R3HDM2: variants seen among roughly 807,000 people sequenced by gnomAD.
R3HDM2 encodes R3H domain containing 2.
Under a neutral mutation model 124.5 loss-of-function variants are expected in R3HDM2, and 38 were observed. The ratio of observed to expected loss-of-function variants is 0.31; its 90% CI spans 0.24 to 0.40. R3HDM2 has a LOEUF of 0.40. Among genes scored for constraint, R3HDM2 ranks in the 10% least tolerant of loss-of-function variants. R3HDM2 has a pLI of 1.00. For synonymous variants in R3HDM2, 391 were observed against 448.0 expected (o/e 0.87, Z 1.61); for missense variants, 869 against 1,236.9 (o/e 0.70, Z 4.46).
intron 2 of R3HDM2, among the ~76,000 whole-genome samples, chr12:57,360,006 A>AATATATATATAT (rs1366274892): frequency 1.2e-4 from 14 of 117,664 alleles, no homozygotes; most frequent in Admixed American, 1.9e-4. Context: ...TAAATAAATA[A>AATATATATATAT]ATATATATAT....
In R3HDM2 at chr12:57,407,761, G is replaced by GT. The variant is rs548688945; in HGVS notation, c.-105-11944dup. Among the ~76,000 whole-genome samples the GT allele has an allele frequency of 4.8e-3, 731 of 151,340 alleles. 2 individuals carry two copies. The highest frequency in any genetic ancestry group is 0.018 in the South Asian group (88 of 4,782). On this transcript the variant is annotated intron_variant, in intron 1 of 23. Coordinates refer to ENST00000402412, the MANE Select transcript of R3HDM2 (RefSeq NM_001394031.1). ...TTTTAAAGTCCTTATTTTTGTGCGT[G>GT]TTTTTTTGTTTTCTTTTGTAGAGAA...
chr12:57,294,173 C>T (rs546891439), intron 10 of R3HDM2, among the ~76,000 whole-genome samples: 1 of 152,288 alleles, frequency 6.6e-6, no homozygotes, highest in South Asian at 2.1e-4. Flanking sequence ...GGAAAACACT[C>T]AATAAGATAG....
chr12:57,383,834 T>G (rs1003700857), intron 2 of R3HDM2, among the ~76,000 whole-genome samples: 1 of 152,206 alleles, frequency 6.6e-6, no homozygotes, highest in Non-Finnish European at 1.5e-5. Context: ...GACCTCAATA[T>G]GCACATTTGT....
At chr12:57,388,298 G>A (rs929581493) in intron 2 of R3HDM2, among the ~76,000 whole-genome samples, 1 of 152,210 alleles carries the variant, frequency 6.6e-6, no homozygotes, top group South Asian at 2.1e-4. Flanking sequence ...ATAAAGAAGA[G>A]GAGTATTTTG....
chr12:57,353,924 C>T (rs1018632682), intron 2 of R3HDM2, among the ~76,000 whole-genome samples: 12 of 152,134 alleles, frequency 7.9e-5, no homozygotes, highest in Non-Finnish European at 1.2e-4. Flanking sequence ...GGTGCAATCT[C>T]GGCTTACTGT....
intron 2 of R3HDM2, among the ~76,000 whole-genome samples, chr12:57,353,850 T>G (rs1200222948): frequency 6.7e-6 from 1 of 148,972 alleles, no homozygotes; most frequent in Admixed American, 6.7e-5. Context: ...TAAAAATATG[T>G]TTTTTTTATT....
intron 19 of R3HDM2, among the ~76,000 whole-genome samples, chr12:57,261,836 G>C (rs1348524811): frequency 6.6e-6 from 1 of 150,650 alleles, no homozygotes; most frequent in East Asian, 2.0e-4. Context: ...AGCATGGGTT[G>C]GCAGCCAGTG....
At chr12:57,364,170 T>TG (rs1177156023) in intron 2 of R3HDM2, among the ~76,000 whole-genome samples, 4 of 126,526 alleles carry the variant, frequency 3.2e-5, no homozygotes, top group Non-Finnish European at 4.8e-5. Flanking sequence ...TTTTTTCAGA[T>TG]GGAGTATCAC....
At chr12:57,399,455 AAC>A (rs2067857703) in intron 1 of R3HDM2, among the ~76,000 whole-genome samples, 2 of 152,068 alleles carry the variant, frequency 1.3e-5, no homozygotes, top group Admixed American at 6.6e-5. Context: ...TCACCAGAAA[AAC>A]AGACACTTTG....
chr12:57,348,750 G>C (rs2137168441), intron 2 of R3HDM2, among the ~76,000 whole-genome samples: 1 of 148,516 alleles, frequency 6.7e-6, no homozygotes, highest in Non-Finnish European at 1.5e-5. Context: ...AGGCATGGTG[G>C]CACACACCTG....
intron 2 of R3HDM2, among the ~76,000 whole-genome samples, chr12:57,328,259 G>A (rs1429497270): frequency 6.6e-6 from 1 of 151,960 alleles, no homozygotes; most frequent in African/African-American, 2.4e-5. Context: ...ACAGGGTTTC[G>A]CTGTGTTGCC....
intron 3 of R3HDM2, among the ~76,000 whole-genome samples, chr12:57,303,607 A>G (rs1200444138): frequency 1.3e-5 from 2 of 151,636 alleles, no homozygotes; most frequent in East Asian, 3.9e-4. Context: ...CCAAAAAGAC[A>G]AAGAAAAAGA....
intron 2 of R3HDM2, among the ~76,000 whole-genome samples, chr12:57,345,978 G>A (rs746858732): frequency 1.2e-4 from 18 of 152,098 alleles, no homozygotes; most frequent in Non-Finnish European, 2.1e-4. Flanking sequence ...TGGCCAACAC[G>A]GTGAAACCCA....
chr12:57,263,906 G>C (rs2041550231), intron 19 of R3HDM2, among the ~76,000 whole-genome samples: 1 of 152,146 alleles, frequency 6.6e-6, no homozygotes, highest in Admixed American at 6.5e-5. Context: ...TTTCTAAATA[G>C]GGAAAATTGA....
intron 2 of R3HDM2, among the ~76,000 whole-genome samples, chr12:57,319,744 G>A (rs943769284): frequency 2.6e-5 from 4 of 152,070 alleles, no homozygotes; most frequent in African/African-American, 9.7e-5. Context: ...AGTAATGAGG[G>A]GTCAGACTGT....
chr12:57,382,397 C>T (rs1198521943), intron 2 of R3HDM2, among the ~76,000 whole-genome samples: 1 of 151,744 alleles, frequency 6.6e-6, no homozygotes, highest in African/African-American at 2.4e-5. Flanking sequence ...TAGGCATGCA[C>T]CAACATGCCC....
chr12:57,404,064 A>ATT (rs767234283), intron 1 of R3HDM2, among the ~76,000 whole-genome samples: 2 of 77,016 alleles, frequency 2.6e-5, no homozygotes, highest in African/African-American at 4.9e-5. Context: ...TCCACTCCTA[A>ATT]TTTTTTTTTT....
At chr12:57,386,874 T>C (rs908962423) in intron 2 of R3HDM2, among the ~76,000 whole-genome samples, 3 of 152,174 alleles carry the variant, frequency 2.0e-5, no homozygotes, top group Non-Finnish European at 2.9e-5. Context: ...AATGCACCAA[T>C]TGGCACTTGG....
At chr12:57,351,258 T>A (rs903414074) in intron 2 of R3HDM2, among the ~76,000 whole-genome samples, 1 of 152,106 alleles carries the variant, frequency 6.6e-6, no homozygotes, top group Non-Finnish European at 1.5e-5. Flanking sequence ...CAGAGCAAGA[T>A]CCTGTCTGAT....
Sources: gnomAD v4.1 joint callset for allele counts (sites outside exome capture counted in the v4.1 genomes callset) on GRCh38, gnomAD v4.1.1 for gene constraint, MANE v1.5 for transcripts, NCBI Gene and HGNC (gene_info 2026-07-23, HGNC 2026-07-21) for gene names.